Variants in WIPF1 observed in about 807,000 individuals in gnomAD.
WIPF1 encodes the protein WAS/WASL interacting protein family member 1.
A neutral mutation model predicts 35.4 loss-of-function variants in WIPF1; 13 were observed. The ratio of observed to expected loss-of-function variants is 0.37; its 90% confidence interval spans 0.24 to 0.58. The LOEUF (loss-of-function observed/expected upper bound fraction) is 0.58, where lower values mean the gene tolerates loss of function less well. Among genes scored for constraint, WIPF1 ranks in the 20% least tolerant of loss-of-function variants. WIPF1 has a pLI of 0.74. For synonymous variants in WIPF1, 267 were observed against 266.3 expected, an observed-to-expected ratio of 1.00 and a Z score of -0.02; for missense variants, 591 against 667.0, an observed-to-expected ratio of 0.89 and a Z score of 1.25.
intron 3 of WIPF1, among the ~76,000 whole-genome samples, chr2:174,577,107 TTTTG>T (rs1318875668): frequency 2.6e-5 from 4 of 152,210 alleles, no homozygotes; most frequent in Admixed American, 2.0e-4. Context: ...TCAAATGTAT[TTTTG>T]TTTGCTGAAA....
intron 2 of WIPF1, among the ~76,000 whole-genome samples, chr2:174,585,156 C>T (rs528910116): frequency 4.1e-4 from 62 of 152,222 alleles, no homozygotes; most frequent in African/African-American, 1.4e-3. Context: ...GACCGTCCAG[C>T]CCAGAAGTTA....
At chr2:174,673,796 A>C (rs1688069954) in intron 1 of WIPF1, 1 of 150,922 alleles carries the variant, frequency 6.6e-6, no homozygotes, top group Non-Finnish European at 1.5e-5. Flanking sequence ...CCTTTTGTGA[A>C]TCTTCCTAAC....
intron 1 of WIPF1, among the ~76,000 whole-genome samples, chr2:174,616,344 C>G (rs1191998917): frequency 1.3e-5 from 2 of 152,106 alleles, no homozygotes. Flanking sequence ...AATCATGTGT[C>G]TATAAGAGGA....
chr2:174,573,414 T>C (rs1468165704), intron 4 of WIPF1, among the ~76,000 whole-genome samples: 2 of 152,258 alleles, frequency 1.3e-5, no homozygotes, highest in Non-Finnish European at 2.9e-5. Context: ...TCCTGTAGTT[T>C]ACATTCTTGT....
intron 1 of WIPF1, among the ~76,000 whole-genome samples, chr2:174,646,646 A>G (rs1265667229): frequency 6.6e-6 from 1 of 152,146 alleles, no homozygotes; most frequent in Non-Finnish European, 1.5e-5. Context: ...TTTTTCTGAG[A>G]TGGAGTCTCA....
At chr2:174,602,448 G>A (rs915697406), upstream of WIPF1, among the ~76,000 whole-genome samples, 1 of 152,142 alleles carries the variant, frequency 6.6e-6, no homozygotes, top group Non-Finnish European at 1.5e-5. Context: ...CCCCAGTAGT[G>A]GAAAGGTGTT....
Position 174,575,271 on chromosome 2 carries a change from A to C in WIPF1, c.291T>G (p.Pro97=). Residue 97 remains proline, a synonymous_variant, in exon 4 of 8, where the codon CCT becomes CCG. Coordinates refer to ENST00000679041, the MANE Select transcript of WIPF1 (RefSeq NM_001375834.1). ...GGGGSFGGGG[P]PGLGGLFQAG... Reference sequence around the variant, plus strand: ...CCTGGAACAATCCTCCCAGACCTGGAGGTCCGCCCCCTCCAAAACTTCCAC... The same window carrying C: ...CCTGGAACAATCCTCCCAGACCTGGCGGTCCGCCCCCTCCAAAACTTCCAC... 6.2e-7 allele frequency: 1 copy of C among 1,613,872 alleles called. No individual in the cohort carries two copies. The highest frequency in any genetic ancestry group is 8.5e-7 in the Non-Finnish European group (1 of 1,179,916).
chr2:174,585,541 C>CG lies in WIPF1; in HGVS notation c.32dup (p.Pro12AlafsTer16). On this transcript the variant is annotated frameshift_variant, in exon 2 of 8. Transcript: ENST00000679041. LOFTEE classifies it high-confidence loss of function. Reference sequence around the variant, plus strand: ...CACTCACCAGTGCAAACGTCGGGGGCGGCGGGGGTGCTGGAGGGGGAGGGA... The same window carrying CG: ...CACTCACCAGTGCAAACGTCGGGGGCGGGCGGGGGTGCTGGAGGGGGAGGGA... 3 of 484,056 alleles carry CG rather than the reference C, an allele frequency of 6.2e-6. No homozygotes were observed. Among genetic ancestry groups the CG allele is most frequent in the Non-Finnish European group, 9.0e-6 (3 of 334,154 alleles). 30.0% of individuals were successfully genotyped at this position (484,056 alleles called of 1,614,324 possible). A position where few individuals can be genotyped will look rare whatever the true frequency, so the allele number is the denominator to read the frequency against.
At chr2:174,668,084 T>C (rs1291241474) in intron 1 of WIPF1, among the ~76,000 whole-genome samples, 1 of 152,234 alleles carries the variant, frequency 6.6e-6, no homozygotes, top group Non-Finnish European at 1.5e-5. Context: ...GGTTTCCAGC[T>C]GCGTCTCTCA....
intron 1 of WIPF1, chr2:174,676,311 C>T (rs1484734056): frequency 7.6e-6 from 1 of 131,752 alleles, no homozygotes; most frequent in African/African-American, 2.8e-5. Context: ...TTCCTCCCTC[C>T]CTTCTTTTTT....
intron 1 of WIPF1, among the ~76,000 whole-genome samples, chr2:174,619,504 C>T (rs1056698686): frequency 6.6e-6 from 1 of 152,154 alleles, no homozygotes. Context: ...TCTTTATACA[C>T]AAATCCTTGT....
chr2:174,645,359 A>C (rs958366397), intron 1 of WIPF1, among the ~76,000 whole-genome samples: 1 of 152,240 alleles, frequency 6.6e-6, no homozygotes. Flanking sequence ...AGTACACACC[A>C]TAACTGCCTT....
intron 1 of WIPF1, among the ~76,000 whole-genome samples, chr2:174,615,287 C>T (rs1219478517): frequency 6.6e-6 from 1 of 151,968 alleles, no homozygotes; most frequent in Non-Finnish European, 1.5e-5. Context: ...ACTTCCTATA[C>T]AAAATAAGCA....
chr2:174,571,673 T>C lies in WIPF1; in HGVS notation c.1129+3A>G. On this transcript the variant is annotated splice_donor_region_variant and intron_variant, in intron 5 of 7. Transcript: ENST00000679041. This position sits in a 1 kb window ranked among gnomAD's most constrained non-coding sequence, Gnocchi z 4.6. ...AAGCAACTCACTCCACGTCTTGTCA[T>C]ACCTGATCGGCCTGGCGGGTCCCTC... is the stretch of plus-strand genomic sequence containing the variant. 3 of 1,614,208 alleles carry C rather than the reference T, an allele frequency of 1.9e-6. No homozygotes were observed. Among genetic ancestry groups the C allele is most frequent in the Non-Finnish European group, 2.5e-6 (3 of 1,180,028 alleles).
At position 174,667,895 on chromosome 2, in the gene WIPF1, C is replaced by G. The variant is rs1293954907; in HGVS notation, c.-39+14879G>C. ...ATAAACTCCGCTAGTTTGATTCTCT[C>G]ACCCCCAAAATGACTTGAGCCAGAA... On this transcript the variant is annotated intron_variant, in intron 1 of 8. Transcript: ENST00000272746. Among the ~76,000 whole-genome samples the G allele has an allele frequency of 3.3e-5, 5 of 152,342 alleles. No individual in the cohort carries two copies. The South Asian group carries it at 1.0e-3, about 32-fold the overall frequency.
intron 1 of WIPF1, among the ~76,000 whole-genome samples, chr2:174,678,409 T>C (rs1574875814): frequency 6.6e-6 from 1 of 152,224 alleles, no homozygotes; most frequent in Admixed American, 6.5e-5. Context: ...ATTAGCATAG[T>C]CTATTATTTT....
intron 1 of WIPF1, chr2:174,676,895 G>C (rs987032686): frequency 2.6e-5 from 4 of 152,088 alleles, no homozygotes; most frequent in African/African-American, 9.7e-5. Context: ...AGGTATAATG[G>C]CTCACACCTG....
chr2:174,663,132 C>T (rs1024678884), intron 1 of WIPF1, among the ~76,000 whole-genome samples: 1 of 152,110 alleles, frequency 6.6e-6, no homozygotes, highest in Non-Finnish European at 1.5e-5. Context: ...AAATAAGGTC[C>T]GGAGGACCAT....
intron 1 of WIPF1, among the ~76,000 whole-genome samples, chr2:174,617,874 C>A (rs1225789414): frequency 1.3e-5 from 2 of 152,198 alleles, no homozygotes; most frequent in Non-Finnish European, 2.9e-5. Flanking sequence ...TGCAATGTGA[C>A]CTGATGCAGA....
Sources: gnomAD v4.1 joint callset for allele counts (sites outside exome capture counted in the v4.1 genomes callset) on GRCh38, gnomAD v4.1.1 for gene constraint, Gnocchi (gnomAD v3.1) non-coding constraint, MANE v1.5 for transcripts, NCBI Gene and HGNC (gene_info 2026-07-23, HGNC 2026-07-21) for gene names.